The following PTPRM variants were observed in gnomAD, a reference collection of about 807,000 sequenced individuals.
PTPRM encodes receptor-type tyrosine-protein phosphatase mu.
A neutral mutation model predicts 186.7 loss-of-function variants in PTPRM; 47 were observed. That is an observed-to-expected ratio of 0.25 (90% CI 0.20 to 0.32). The LOEUF is 0.32. Among genes scored for constraint, PTPRM ranks in the 10% least tolerant of loss-of-function variants. The pLI is 1.00. For missense variants in PTPRM, 1,494 were observed against 1,865.0 expected, an observed-to-expected ratio of 0.80 and a Z score of 3.66; for synonymous variants, 668 against 674.9, an observed-to-expected ratio of 0.99 and a Z score of 0.16.
intron 22 of PTPRM, among the ~76,000 whole-genome samples, chr18:8,324,999 G>A (rs1330530728): frequency 2.0e-5 from 3 of 152,130 alleles, no homozygotes; most frequent in East Asian, 3.9e-4. Flanking sequence ...GCACAGAATC[G>A]CTTAATCATT....
rs952391999 is a variant in PTPRM at position 8,406,730 on chromosome 18, G to C, written c.*568G>C. The C allele has an allele frequency of 2.0e-5, 3 of 152,364 alleles. No homozygotes were observed. Among genetic ancestry groups the C allele is most frequent in the African/African-American group, 7.2e-5 (3 of 41,450 alleles). The allele number at this position is 152,364 out of a possible 1,614,324, so 9.4% of individuals were successfully genotyped here. ...GTTTCCAAGGGAAAAGCTTGGGGGA[G>C]GACTCAGTTCACAAAATGCAAAACT... On this transcript the variant is annotated 3_prime_UTR_variant, in exon 33 of 33. Transcript: ENST00000580170.
chr18:7,755,088 C>T (rs1463028585), intron 1 of PTPRM: 1 of 152,074 alleles, frequency 6.6e-6, no homozygotes, highest in African/African-American at 2.4e-5. Context: ...TTTAAATTTA[C>T]CAGGGTACAC....
At chr18:8,121,719 A>T (rs2092180368) in intron 13 of PTPRM, 1 of 152,212 alleles carries the variant, frequency 6.6e-6, no homozygotes, top group Non-Finnish European at 1.5e-5. Flanking sequence ...ATTTTTCTAC[A>T]TAAAAACGTT....
chr18:8,302,960 T>G (rs2095176268), intron 20 of PTPRM, among the ~76,000 whole-genome samples: 1 of 152,098 alleles, frequency 6.6e-6, no homozygotes, highest in South Asian at 2.1e-4. Context: ...AGCAGACAGT[T>G]CTGTAGACTG....
chr18:7,907,821 A>C (rs551535576), intron 4 of PTPRM, among the ~76,000 whole-genome samples: 1 of 152,166 alleles, frequency 6.6e-6, no homozygotes, highest in East Asian at 1.9e-4. Flanking sequence ...TTATAAAAGC[A>C]AAAAAGTAAG....
At chr18:8,355,250 C>A (rs2148350537) in intron 23 of PTPRM, among the ~76,000 whole-genome samples, 1 of 152,326 alleles carries the variant, frequency 6.6e-6, no homozygotes, top group African/African-American at 2.4e-5. Context: ...GGCACCTCAT[C>A]TAGCTGTGGA....
At chr18:7,711,864 C>CAG (rs2040221253) in intron 1 of PTPRM, among the ~76,000 whole-genome samples, 1 of 152,148 alleles carries the variant, frequency 6.6e-6, no homozygotes, top group South Asian at 2.1e-4. Context: ...CCCCATCTCC[C>CAG]TGGGACTCAG....
At chr18:8,176,022 GCTTT>G (rs1180905766) in intron 14 of PTPRM, among the ~76,000 whole-genome samples, 1 of 152,164 alleles carries the variant, frequency 6.6e-6, no homozygotes, top group Non-Finnish European at 1.5e-5. Flanking sequence ...AGAGTTAAAG[GCTTT>G]GCATTGCTAA....
At chr18:7,736,815 G>A (rs2040780222) in intron 1 of PTPRM, among the ~76,000 whole-genome samples, 1 of 152,144 alleles carries the variant, frequency 6.6e-6, no homozygotes, top group Non-Finnish European at 1.5e-5. Flanking sequence ...GCAGGGCCAG[G>A]CCTGGTTTCG....
At chr18:8,072,179 T>C (rs2089521637) in intron 8 of PTPRM, among the ~76,000 whole-genome samples, 1 of 152,190 alleles carries the variant, frequency 6.6e-6, no homozygotes, top group African/African-American at 2.4e-5. Context: ...TTAAATGAAA[T>C]AATAAAGTAT....
chr18:7,821,935 T>A (rs1598890185), intron 2 of PTPRM, among the ~76,000 whole-genome samples: 2 of 152,186 alleles, frequency 1.3e-5, no homozygotes, highest in East Asian at 3.8e-4. Context: ...TTTCTGAAAT[T>A]TGCCCCATGA....
chr18:8,309,154 G>A (rs954078267), intron 20 of PTPRM, among the ~76,000 whole-genome samples: 11 of 152,286 alleles, frequency 7.2e-5, no homozygotes, highest in African/African-American at 1.2e-4. Context: ...GCTTCAGTAC[G>A]TTTCAAGATG....
At chr18:8,153,577 A>G (rs2093058555) in intron 14 of PTPRM, among the ~76,000 whole-genome samples, 1 of 152,208 alleles carries the variant, frequency 6.6e-6, no homozygotes, top group African/African-American at 2.4e-5. Flanking sequence ...ATTAGCCAGT[A>G]TACCATGCTC....
chr18:8,358,138 C>G (rs942999458), intron 23 of PTPRM, among the ~76,000 whole-genome samples: 2 of 150,758 alleles, frequency 1.3e-5, no homozygotes, highest in African/African-American at 4.9e-5. Flanking sequence ...TATTCCCCCC[C>G]CCACACACAC....
chr18:7,935,772 G>A (rs1325713656), intron 5 of PTPRM, among the ~76,000 whole-genome samples: 1 of 152,106 alleles, frequency 6.6e-6, no homozygotes, highest in African/African-American at 2.4e-5. Flanking sequence ...TCACCCAGGT[G>A]GCGAACATAA....
intron 2 of PTPRM, among the ~76,000 whole-genome samples, chr18:7,863,448 T>C (rs2047501559): frequency 6.6e-6 from 1 of 151,852 alleles, no homozygotes; most frequent in African/African-American, 2.4e-5. Context: ...GAACATGCAG[T>C]GTTTGGTTTT....
chr18:7,761,972 A>G (rs530191313), intron 1 of PTPRM, among the ~76,000 whole-genome samples: 1 of 152,294 alleles, frequency 6.6e-6, no homozygotes, highest in South Asian at 2.1e-4. Flanking sequence ...AGAGCAGTAA[A>G]CAGTTTTTAT....
chr18:8,025,158 A>C (rs998452747), intron 7 of PTPRM, among the ~76,000 whole-genome samples: 3 of 152,076 alleles, frequency 2.0e-5, no homozygotes, highest in Admixed American at 6.5e-5. Flanking sequence ...TTTTAGATGA[A>C]AGTTTGGGTC....
At chr18:8,125,487 A>G (rs554779063) in intron 13 of PTPRM, among the ~76,000 whole-genome samples, 1 of 152,292 alleles carries the variant, frequency 6.6e-6, no homozygotes, top group Admixed American at 6.5e-5. Flanking sequence ...CACTGCAAAC[A>G]TAAGATATAC....
Sources: gnomAD v4.1 joint callset for allele counts (sites outside exome capture counted in the v4.1 genomes callset) on GRCh38, gnomAD v4.1.1 for gene constraint, MANE v1.5 for transcripts, NCBI Gene and HGNC (gene_info 2026-07-23, HGNC 2026-07-21) for gene names.